The following TNRC6C variants were observed in gnomAD, a reference collection of about 807,000 sequenced individuals.
TNRC6C encodes trinucleotide repeat containing adaptor 6C.
A neutral mutation model predicts 153.7 loss-of-function variants in TNRC6C; 20 were observed. The observed-to-expected ratio is 0.13, with a 90% CI of 0.09 to 0.19. The LOEUF (loss-of-function observed/expected upper bound fraction) is 0.19. Ranked by LOEUF, TNRC6C falls within the 10% of genes least tolerant of loss-of-function variation. The pLI is 1.00. For synonymous variants in TNRC6C, 811 were observed against 841.4 expected (o/e 0.96, Z 0.63); for missense variants, 1,987 against 2,172.0 (o/e 0.91, Z 1.69).
chr17:78,097,486 AAAG>A (rs1462785297), intron 16 of TNRC6C, among the ~76,000 whole-genome samples: 1 of 152,160 alleles, frequency 6.6e-6, no homozygotes, highest in East Asian at 1.9e-4. Flanking sequence ...GGGAATTCTC[AAAG>A]AAGCTCATGC....
chr17:77,967,303 A>G lies in TNRC6C; in HGVS notation c.-38+8035A>G, dbSNP rs114945718. Among the ~76,000 whole-genome samples, 274 of 152,278 alleles carry G rather than the reference A, an allele frequency of 1.8e-3. 1 individual carries two copies. Among genetic ancestry groups the G allele is most frequent in the African/African-American group, 6.3e-3 (262 of 41,550 alleles). On this transcript the variant is annotated intron_variant, in intron 1 of 22. Transcript: ENST00000636222. Reference sequence around the variant, plus strand: ...GTTACTTATTAGCAGGGATAATAACATGTTCATCTTTGTAATCCCTACATC... The same window carrying G: ...GTTACTTATTAGCAGGGATAATAACGTGTTCATCTTTGTAATCCCTACATC...
At chr17:78,040,796 A>C (rs929573639) in intron 2 of TNRC6C, among the ~76,000 whole-genome samples, 1 of 152,216 alleles carries the variant, frequency 6.6e-6, no homozygotes, top group African/African-American at 2.4e-5. Context: ...TGTCAGCTGC[A>C]ATTAGATAAT....
At chr17:78,066,539 T>C (rs1170457149) in intron 4 of TNRC6C, 1 of 152,240 alleles carries the variant, frequency 6.6e-6, no homozygotes, top group East Asian at 1.9e-4. Flanking sequence ...GGCACAGTTA[T>C]GTGCCTATTC....
At position 78,086,504 on chromosome 17, in the gene TNRC6C, C is replaced by T. The variant is rs769770607; in HGVS notation, c.3479C>T (p.Ala1160Val). ...TTTAACTCTTCGTTCTGTCAACAGG[C>T]ATACCAACGTTTACAAATCCAGCAG... The change falls in exon 12 of 20, where the codon GCA becomes GTA. Residue 1160 changes from alanine to valine, a missense_variant and splice_region_variant. Physicochemically the swap from Ala to Val is moderately conservative, Grantham distance 64. Coordinates refer to ENST00000301624, the Ensembl canonical transcript of TNRC6C. The T allele has an allele frequency of 2.5e-6, 4 of 1,613,532 alleles. No homozygotes were observed. The East Asian group carries it at 8.9e-5, about 36-fold the overall frequency.
At chr17:77,991,498 TG>T (rs2071249475) in intron 1 of TNRC6C, among the ~76,000 whole-genome samples, 6 of 152,152 alleles carry the variant, frequency 3.9e-5, no homozygotes, top group Non-Finnish European at 8.8e-5. Flanking sequence ...CACTTGAATG[TG>T]AACAGAAATA....
chr17:78,070,760 A>G (rs1251988458), intron 5 of TNRC6C, among the ~76,000 whole-genome samples: 1 of 152,232 alleles, frequency 6.6e-6, no homozygotes. Context: ...GCTGTGTTCA[A>G]GGGAGCGCTT....
intron 3 of TNRC6C, among the ~76,000 whole-genome samples, chr17:78,058,853 G>A (rs1468450025): frequency 6.6e-6 from 1 of 152,188 alleles, no homozygotes; most frequent in Non-Finnish European, 1.5e-5. Context: ...TTGCATGTGG[G>A]TACTTAATCT....
At chr17:78,090,139 T>C (rs1195440192) in intron 13 of TNRC6C, among the ~76,000 whole-genome samples, 2 of 152,230 alleles carry the variant, frequency 1.3e-5, no homozygotes, top group African/African-American at 4.8e-5. Flanking sequence ...AGTGTGTGTG[T>C]GCATGTGCAT....
chr17:78,031,875 A>C, intron 2 of TNRC6C, 33 bp downstream of exon 4: 1 of 1,231,946 alleles, frequency 8.1e-7, no homozygotes, highest in Non-Finnish European at 1.0e-6. Context: ...CATTGTTTTG[A>C]TCTGAAAACT....
At chr17:78,003,078 G>A (rs1361888926), upstream of TNRC6C, among the ~76,000 whole-genome samples, 2 of 152,200 alleles carry the variant, frequency 1.3e-5, no homozygotes, top group Non-Finnish European at 2.9e-5. Flanking sequence ...ATTCTGGGTG[G>A]TTAGGGTCTA....
rs191692392 is a variant in TNRC6C, at chr17:77,971,041, G to C, written c.-38+11773G>C. 2.9e-3 allele frequency among the ~76,000 whole-genome samples: 444 copies of C among 152,086 alleles called. 2 individuals carry two copies. The highest frequency in any genetic ancestry group is 0.01 in the African/African-American group (426 of 41,472). On this transcript the variant is annotated intron_variant, in intron 1 of 22. Transcript: ENST00000636222. ...AAGAAAAGAAAAAAGTAGGTGGGGG[G>C]TATAAAATTCTTGTTTTAGTAACAC...
chr17:78,060,468 CTT>C (rs975826787), intron 3 of TNRC6C, among the ~76,000 whole-genome samples: 11,703 of 125,302 alleles, frequency 0.093, 223 homozygotes, highest in East Asian at 0.16. Flanking sequence ...AATCGTTTAT[CTT>C]TTTTTTTTTT....
At position 78,067,937 on chromosome 17, in the gene TNRC6C, T is replaced by C. The variant is rs2072915264; in HGVS notation, c.2778+14T>C. ...GGACTTCAAAAGGTAAGTACAACAC[T>C]CTTAACGACGGTACACCCTGAAAAC... is the stretch of plus-strand genomic sequence containing the variant. On this transcript the variant is annotated intron_variant, in intron 5 of 19. Transcript: ENST00000301624. 6.3e-7 allele frequency: 1 copy of C among 1,595,124 alleles called. No homozygotes were observed. The highest frequency in any genetic ancestry group is 1.8e-5 in the Admixed American group (1 of 56,186).
chr17:78,016,732 T>C (rs2071735797), intron 1 of TNRC6C, among the ~76,000 whole-genome samples: 1 of 152,190 alleles, frequency 6.6e-6, no homozygotes, highest in Non-Finnish European at 1.5e-5. Flanking sequence ...CTTCTGTGGC[T>C]TCCATTGCTT....
chr17:77,997,612 A>C (rs558442537), intron 1 of TNRC6C, among the ~76,000 whole-genome samples: 1 of 151,952 alleles, frequency 6.6e-6, no homozygotes, highest in African/African-American at 2.4e-5. Flanking sequence ...GAAGGATTCA[A>C]CATTATCCTG....
chr17:78,006,564 TCTTCCTTCTTC>T (rs2071514451), intron 1 of TNRC6C, among the ~76,000 whole-genome samples: 1 of 146,000 alleles, frequency 6.8e-6, no homozygotes, highest in African/African-American at 2.6e-5. Flanking sequence ...TCTTCTTCCT[TCTTCCTTCTTC>T]CTTCTTCTTC....
At chr17:77,988,422 T>C (rs1293999350) in intron 1 of TNRC6C, among the ~76,000 whole-genome samples, 2 of 152,162 alleles carry the variant, frequency 1.3e-5, no homozygotes, top group Non-Finnish European at 2.9e-5. Flanking sequence ...CCATTGCATC[T>C]TCTTCCCAGC....
chr17:78,029,101 C>G (rs1206304387), intron 1 of TNRC6C, among the ~76,000 whole-genome samples: 4 of 152,146 alleles, frequency 2.6e-5, no homozygotes, highest in Non-Finnish European at 4.4e-5. Context: ...GATTTTAGAC[C>G]TTCACTTAAT....
intron 2 of TNRC6C, among the ~76,000 whole-genome samples, chr17:78,039,948 C>T (rs966575419): frequency 6.6e-6 from 1 of 152,220 alleles, no homozygotes; most frequent in African/African-American, 2.4e-5. Flanking sequence ...TTTATTCCTT[C>T]CCCCTTCACT....
Sources: gnomAD v4.1 joint callset for allele counts (sites outside exome capture counted in the v4.1 genomes callset) on GRCh38, gnomAD v4.1.1 for gene constraint, MANE v1.5 for transcripts, NCBI Gene and HGNC (gene_info 2026-07-23, HGNC 2026-07-21) for gene names.